MDN1: variants seen among roughly 807,000 people sequenced by gnomAD.
The protein encoded by MDN1 is midasin.
A neutral mutation model predicts 669.2 loss-of-function variants in MDN1; 266 were observed. The observed-to-expected ratio is 0.40, with a 90% CI of 0.36 to 0.44. The LOEUF (loss-of-function observed/expected upper bound fraction) is 0.44, where lower values mean the gene tolerates loss of function less well. Ranked by LOEUF, MDN1 falls within the 20% of genes least tolerant of loss-of-function variation. The probability of loss-of-function intolerance (pLI) is 1.00; values close to 1 mark genes in which losing one functional copy is unlikely to be tolerated. For missense variants in MDN1, 5,940 were observed against 6,754.0 expected (o/e 0.88, Z 4.22); for synonymous variants, 2,385 against 2,457.1 (o/e 0.97, Z 0.87).
At chr6:89,782,303 C>T (rs892607727) in intron 9 of MDN1, among the ~76,000 whole-genome samples, 1 of 152,160 alleles carries the variant, frequency 6.6e-6, no homozygotes, top group African/African-American at 2.4e-5. Context: ...CAATGAAAAG[C>T]ATGTAAAAGG....
At position 89,790,335 on chromosome 6, in the gene MDN1, C is replaced by G. The variant is rs1208533526; in HGVS notation, c.922G>C (p.Val308Leu). ...ALRSYVLVESVCKSLQTLAMA... is the reference protein window; with the variant it reads ...ALRSYVLVESLCKSLQTLAMA... ...GCCAGGGTCTGAAGACTTTTGCAGA[C>G]AGACTCAACCAGCACATAAGACCTA... Residue 308 changes from valine to leucine, a missense_variant, in exon 6 of 102, where the codon GTC (valine) becomes CTC (leucine). By Grantham distance (32) the Val-to-Leu change is conservative (BLOSUM62 1). Around this residue, in one of 5 missense-constraint regions of MDN1, gnomAD observed 1,203 missense variants for 1,268.9 expected, o/e 0.95. Transcript: ENST00000369393. The G allele has an allele frequency of 6.2e-7, 1 of 1,614,138 alleles. No individual in the cohort carries two copies. The highest frequency in any genetic ancestry group is 1.7e-5 in the Admixed American group (1 of 60,012).
At chr6:89,747,785 A>G (rs1256110732) in intron 26 of MDN1, among the ~76,000 whole-genome samples, 2 of 150,094 alleles carry the variant, frequency 1.3e-5, no homozygotes, top group Non-Finnish European at 3.0e-5. Context: ...CAGCTACTCC[A>G]GAGGCTGAGG....
At chr6:89,764,066 A>T (rs1817685612) in intron 15 of MDN1, among the ~76,000 whole-genome samples, 1 of 152,190 alleles carries the variant, frequency 6.6e-6, no homozygotes, top group African/African-American at 2.4e-5. Context: ...AAATTAAAAA[A>T]TTAGCTAGGT....
intron 11 of MDN1, among the ~76,000 whole-genome samples, chr6:89,777,002 T>C (rs1562207542): frequency 6.6e-6 from 1 of 152,130 alleles, no homozygotes; most frequent in East Asian, 1.9e-4. Context: ...TGTTGACCAC[T>C]GGGTACATGG....
chr6:89,729,677 G>GTTTTTTTTTTTTTTTTTTTTTT (rs35914010), intron 35 of MDN1, among the ~76,000 whole-genome samples: 3 of 100,758 alleles, frequency 3.0e-5, no homozygotes, highest in Non-Finnish European at 5.8e-5. Context: ...TTTTGTTTTC[G>GTTTTTTTTTTTTTTTTTTTTTT]TTTTTTTTTT....
At position 89,772,589 on chromosome 6, in the gene MDN1, G is replaced by A. The variant is rs766316674; in HGVS notation, c.2067C>T (p.Tyr689=). 2 of 1,614,130 alleles carry A rather than the reference G, an allele frequency of 1.2e-6. No individual in the cohort carries two copies. The highest frequency in any genetic ancestry group is 2.2e-5 in the South Asian group (2 of 91,080). The change falls in exon 14 of 102, where the codon TAC becomes TAT. Residue 689 remains tyrosine (Y), a synonymous_variant. Transcript: ENST00000369393. ...TGTGKTSTIQ[Y]LAHITGHRLR... ...AGGGATTACCTGTAATGTGAGCCAAGTATTGGATGGTAGAGGTTTTGCCAG... is the reference window on the plus strand; with the variant it reads ...AGGGATTACCTGTAATGTGAGCCAAATATTGGATGGTAGAGGTTTTGCCAG...
chr6:89,646,878 C>G (rs893763675), intron 99 of MDN1, among the ~76,000 whole-genome samples: 1 of 152,156 alleles, frequency 6.6e-6, no homozygotes, highest in African/African-American at 2.4e-5. Context: ...TCACTGCAGC[C>G]TCGATTCCTG....
At chr6:89,661,693 A>G in intron 87 of MDN1, 115 bp from the exon 88 acceptor site, 1 of 993,620 alleles carries the variant, frequency 1.0e-6, no homozygotes, top group Non-Finnish European at 1.4e-6. Context: ...CACAATATCT[A>G]TTCCCTAAAA....
At chr6:89,647,081 C>A (rs1486960853) in intron 99 of MDN1, among the ~76,000 whole-genome samples, 2 of 152,210 alleles carry the variant, frequency 1.3e-5, no homozygotes, top group Non-Finnish European at 2.9e-5. Context: ...GCCACCATGC[C>A]TAGATGATAC....
In MDN1 at chr6:89,794,681, T is replaced by C; in HGVS notation, c.450A>G (p.Glu150=). The change falls in exon 3 of 102, where the codon GAA becomes GAG. Residue 150 remains glutamate (E), a synonymous_variant. Transcript: ENST00000369393. ...CCTGCTGCAGAAACTTGAAGGCTGC[T>C]TCCATTAGGTCCCGGAGCTTCATCC... is the stretch of plus-strand genomic sequence containing the variant. The part of the protein sequence containing the change: ...RRRMKLRDLM[E]AAFKFLQQEQ... The C allele has an allele frequency of 6.2e-7, 1 of 1,614,158 alleles. No homozygotes were observed. Among genetic ancestry groups the C allele is most frequent in the Non-Finnish European group, 8.5e-7 (1 of 1,180,036 alleles).
intron 93 of MDN1, among the ~76,000 whole-genome samples, chr6:89,653,808 A>G (rs1809055516): frequency 6.6e-6 from 1 of 152,192 alleles, no homozygotes. Flanking sequence ...TGCTAATAGC[A>G]TATACTTTTA....
In MDN1 at chr6:89,718,979, G is replaced by A; in HGVS notation, c.6109C>T (p.His2037Tyr). 1 of 1,614,206 alleles carries A rather than the reference G, an allele frequency of 6.2e-7. No individual in the cohort carries two copies. Among genetic ancestry groups the A allele is most frequent in the East Asian group, 2.2e-5 (1 of 44,880 alleles). ...GACTGGTGCAGGAGCAACAGGGGAT[G>A]GCGGGACGGGTGAGGAACACAGCTC... The part of the protein sequence containing the change: ...RGSCVPHPSR[H>Y]PLLLLHQSFQ... The change falls in exon 42 of 102, where the codon CAT becomes TAT. Residue 2037 changes from histidine to tyrosine, a missense_variant. By Grantham distance (83) the His-to-Tyr change is moderately conservative. Transcript: ENST00000369393.
At position 89,699,647 on chromosome 6, in the gene MDN1, G is replaced by GT; in HGVS notation, c.8950dup (p.Thr2984AsnfsTer20). ...CCACAGATCTCGAAGCTCTTGAGGT[G>GT]TAACAGGTGTGTGATAAAGACAAAA... On this transcript the variant is annotated frameshift_variant, in exon 58 of 102. Coordinates refer to ENST00000369393, the MANE Select transcript of MDN1 (RefSeq NM_014611.3). LOFTEE classifies it high-confidence loss of function. The GT allele has an allele frequency of 6.2e-7, 1 of 1,614,072 alleles. No individual in the cohort carries two copies. Among genetic ancestry groups the GT allele is most frequent in the Non-Finnish European group, 8.5e-7 (1 of 1,179,972 alleles).
intron 77 of MDN1, chr6:89,675,829 T>G (rs1199230710): frequency 1.2e-5 from 7 of 563,706 alleles, no homozygotes; most frequent in Non-Finnish European, 1.6e-5. Flanking sequence ...GGAAGAAAGA[T>G]CTAAAGATGG....
rs774518463 is a variant in MDN1, at chr6:89,692,604, G to C, written c.10426C>G (p.Leu3476Val). ...AGCTCCTTTCCTCCTGAGCGCTTGA[G>C]GATTAGCTTCCCAAGGCCTCGTAGA... is the stretch of plus-strand genomic sequence containing the variant. ...EVLRGLGKLI[L>V]KRSGGKELEG... is the part of the protein sequence containing the mutation. Residue 3476 changes from leucine to valine, a missense_variant, in exon 63 of 102, where the codon CTC becomes GTC. Around this residue, in one of 5 missense-constraint regions of MDN1, gnomAD observed 2,280 missense variants for 2,576.3 expected, o/e 0.88. Coordinates refer to ENST00000369393, the MANE Select transcript of MDN1 (RefSeq NM_014611.3). 3 of 1,614,120 alleles carry C rather than the reference G, an allele frequency of 1.9e-6. No individual in the cohort carries two copies. The African/African-American group carries it at 4.0e-5, about 22-fold the overall frequency.
Position 89,695,480 on chromosome 6 carries a change from G to A in MDN1, c.9771+125C>T, listed in dbSNP as rs991148733. Reference sequence around the variant, plus strand: ...AAACAGACTCCTGGGAAGTCATAAGGCAACTTATGCAATATCATGCTTGTG... The same window carrying A: ...AAACAGACTCCTGGGAAGTCATAAGACAACTTATGCAATATCATGCTTGTG... On this transcript the variant is annotated intron_variant, in intron 61 of 101. Coordinates refer to ENST00000369393, the MANE Select transcript of MDN1 (RefSeq NM_014611.3). This position sits in a 1 kb window ranked among gnomAD's most constrained non-coding sequence, Gnocchi z 4.1. 7 of 1,249,880 alleles carry A rather than the reference G, an allele frequency of 5.6e-6. No individual in the cohort carries two copies. In the Admixed American group the frequency reaches 1.7e-4, roughly 31 times the overall value. 77.4% of individuals were successfully genotyped at this position (1,249,880 alleles called of 1,614,324 possible). A position where few individuals can be genotyped will look rare whatever the true frequency, so the allele number is the denominator to read the frequency against.
intron 59 of MDN1, among the ~76,000 whole-genome samples, 155 bp downstream of exon 59, chr6:89,698,710 T>C (rs1812943805): frequency 6.6e-6 from 1 of 152,254 alleles, no homozygotes; most frequent in Non-Finnish European, 1.5e-5. Context: ...ATACTTTTAC[T>C]GACAGTACAC....
chr6:89,796,011 GA>G (rs1348956768), intron 2 of MDN1, among the ~76,000 whole-genome samples: 2 of 151,588 alleles, frequency 1.3e-5, no homozygotes, highest in Non-Finnish European at 2.9e-5. Context: ...CAATGCCATG[GA>G]AATAAAAAAT....
In MDN1 at chr6:89,745,582, C is replaced by G. The variant is rs901364946; in HGVS notation, c.3949G>C (p.Asp1317His). The change falls in exon 28 of 102, where the codon GAT becomes CAT. Residue 1317 changes from aspartate (D) to histidine (H), a missense_variant. Around this residue, in one of 5 missense-constraint regions of MDN1, gnomAD observed 2,292 missense variants for 2,638.3 expected, o/e 0.87. Transcript: ENST00000369393. Reference protein sequence around the residue: ...AGRVRKQEEIDVIQEVLEKHF... With the variant: ...AGRVRKQEEIHVIQEVLEKHF... ...TTCTCAAGGACTTCTTGAATCACATCAATTTCCTCCTGCTTCCTGACTCGA... is the reference window on the plus strand; with the variant it reads ...TTCTCAAGGACTTCTTGAATCACATGAATTTCCTCCTGCTTCCTGACTCGA... 5 of 1,614,144 alleles carry G rather than the reference C, an allele frequency of 3.1e-6. No homozygotes were observed. Among genetic ancestry groups the G allele is most frequent in the Non-Finnish European group, 3.4e-6 (4 of 1,180,034 alleles).
Sources: gnomAD v4.1 joint callset for allele counts (sites outside exome capture counted in the v4.1 genomes callset) on GRCh38, gnomAD v4.1.1 for gene constraint, gnomAD v4.1.1 regional missense constraint, Gnocchi (gnomAD v3.1) non-coding constraint, MANE v1.5 for transcripts, NCBI Gene and HGNC (gene_info 2026-07-23, HGNC 2026-07-21) for gene names.